The following RSPRY1 variants were observed in gnomAD, a reference collection of about 807,000 sequenced individuals.
The protein encoded by RSPRY1 is ring finger and SPRY domain containing 1, also known as RING finger and SPRY domain-containing protein 1.
A neutral mutation model predicts 73.1 loss-of-function variants in RSPRY1; 23 were observed. The observed-to-expected ratio is 0.31, with a 90% confidence interval of 0.23 to 0.45. The LOEUF (loss-of-function observed/expected upper bound fraction) is 0.45. Ranked by LOEUF, RSPRY1 falls within the 20% of genes least tolerant of loss-of-function variation. The pLI is 1.00. For synonymous variants in RSPRY1, 226 were observed against 251.4 expected (o/e 0.90, Z 0.95); for missense variants, 448 against 698.7 (o/e 0.64, Z 4.05).
intron 1 of RSPRY1, among the ~76,000 whole-genome samples, chr16:57,202,727 G>A (rs577351608): frequency 6.6e-6 from 1 of 152,084 alleles, no homozygotes; most frequent in South Asian, 2.1e-4. Flanking sequence ...GTATCACTTG[G>A]CCCAGCCATT....
intron 11 of RSPRY1, among the ~76,000 whole-genome samples, chr16:57,228,355 T>TG (rs538112075): frequency 1.3e-3 from 196 of 147,302 alleles, no homozygotes; most frequent in African/African-American, 4.6e-3. Context: ...ATTGGTGGTG[T>TG]GGGAAAAAAA....
chr16:57,195,286 C>T (rs2074419430), intron 1 of RSPRY1, among the ~76,000 whole-genome samples: 1 of 151,232 alleles, frequency 6.6e-6, no homozygotes, highest in Non-Finnish European at 1.5e-5. Context: ...CCGAGGTGGG[C>T]AGATCACCTG....
intron 1 of RSPRY1, among the ~76,000 whole-genome samples, chr16:57,197,127 AG>A (rs1372663559): frequency 6.6e-6 from 1 of 152,176 alleles, no homozygotes; most frequent in Non-Finnish European, 1.5e-5. Context: ...GGCCACGTAA[AG>A]CTTTTTTTGA....
intron 1 of RSPRY1, among the ~76,000 whole-genome samples, chr16:57,188,082 C>T (rs1425273054): frequency 5.3e-5 from 8 of 152,140 alleles, no homozygotes; most frequent in African/African-American, 1.9e-4. Flanking sequence ...TGCCTTTTTT[C>T]CTCCACGAAT....
intron 1 of RSPRY1, among the ~76,000 whole-genome samples, chr16:57,195,380 C>T (rs2146178700): frequency 6.6e-6 from 1 of 152,244 alleles, no homozygotes; most frequent in African/African-American, 2.4e-5. Context: ...GGCGTGGTGG[C>T]AGGCACCTGT....
upstream of RSPRY1, chr16:57,186,264 C>G: frequency 1.3e-6 from 1 of 786,662 alleles, no homozygotes; most frequent in Non-Finnish European, 1.5e-6. Flanking sequence ...GAGGGCTTGC[C>G]ACCGAGGAAG....
chr16:57,187,390 A>G (rs1330345902), intron 1 of RSPRY1, among the ~76,000 whole-genome samples: 1 of 152,108 alleles, frequency 6.6e-6, no homozygotes, highest in African/African-American at 2.4e-5. Context: ...TCTCTGAGAG[A>G]GGTTGCTCCC....
rs1483947473 is a variant in RSPRY1, at chr16:57,218,989, G to A, written c.902-1743G>A. Among the ~76,000 whole-genome samples, 5 of 122,904 alleles carry A rather than the reference G, an allele frequency of 4.1e-5. 1 individual carries two copies. Among genetic ancestry groups the A allele is most frequent in the Non-Finnish European group, 8.4e-5 (5 of 59,590 alleles). The allele number at this position is 122,904 out of a possible 152,430, so 80.6% of individuals were successfully genotyped here. A position where few individuals can be genotyped will look rare whatever the true frequency, so the allele number is the denominator to read the frequency against. On this transcript the variant is annotated intron_variant, in intron 8 of 14. Coordinates refer to ENST00000394420, the MANE Select transcript of RSPRY1 (RefSeq NM_133368.3). ...CTGACCTCGTGATCCGCCCGCCTCG[G>A]CCTCCCAAAGTGCTGGGATTACAGG...
chr16:57,229,147 G>GA (rs1205205442), intron 11 of RSPRY1, among the ~76,000 whole-genome samples: 14 of 152,132 alleles, frequency 9.2e-5, no homozygotes, highest in Non-Finnish European at 1.9e-4. Context: ...AAAACCCTTA[G>GA]AAGTGAAACT....
At chr16:57,231,106 C>T (rs1166772185) in intron 12 of RSPRY1, 61 bp from the exon 13 acceptor site, 2 of 1,501,616 alleles carry the variant, frequency 1.3e-6, no homozygotes, top group East Asian at 2.3e-5. Context: ...ACTGTTCTAT[C>T]TATTAACTCT....
At position 57,186,416 on chromosome 16, in the gene RSPRY1, GC is replaced by G; in HGVS notation, c.-186del. The G allele has an allele frequency of 6.4e-6, 1 of 157,312 alleles. No homozygotes were observed. Among genetic ancestry groups the G allele is most frequent in the Non-Finnish European group, 1.4e-5 (1 of 71,366 alleles). 9.7% of individuals were successfully genotyped at this position (157,312 alleles called of 1,614,324 possible). ...ACAAAGGAGTCGCGCCGCCGCCGCCGCCCCCTCCCTCCGGTGGGCCCGGGAG... is the reference window on the plus strand; with the variant it reads ...ACAAAGGAGTCGCGCCGCCGCCGCCGCCCCTCCCTCCGGTGGGCCCGGGAG... On this transcript the variant is annotated 5_prime_UTR_variant, in exon 1 of 15. An upstream open reading frame in the 5' UTR loses its in-frame stop. Transcript: ENST00000394420.
In RSPRY1 at chr16:57,216,069, A is replaced by ATTTT. The variant is rs11391063; in HGVS notation, c.703-23_703-20dup. On this transcript the variant is annotated intron_variant, in intron 6 of 14. Coordinates refer to ENST00000394420, the MANE Select transcript of RSPRY1 (RefSeq NM_133368.3). ...AACTTGCCACCTCTGCAGGGGAATG[A>ATTTT]TTTTTTTTTTTTTTTTTTATCTTTT... The ATTTT allele has an allele frequency of 6.9e-5, 83 of 1,200,182 alleles. 1 individual carries two copies. The highest frequency in any genetic ancestry group is 1.8e-4 in the Admixed American group (8 of 45,266). The allele number at this position is 1,200,182 out of a possible 1,614,324, so 74.3% of individuals were successfully genotyped here. A position where few individuals can be genotyped will look rare whatever the true frequency, so the allele number is the denominator to read the frequency against.
chr16:57,201,603 A>G (rs1175593081), intron 1 of RSPRY1, among the ~76,000 whole-genome samples: 1 of 152,226 alleles, frequency 6.6e-6, no homozygotes, highest in African/African-American at 2.4e-5. Context: ...GGGCCAAGGC[A>G]GGCAGCTGGG....
rs775921703 is a variant in RSPRY1, at chr16:57,216,956, A to T, written c.822A>T (p.Thr274=). Residue 274 remains threonine, a synonymous_variant, in exon 8 of 15, where the codon ACA becomes ACT. Transcript: ENST00000394420. ...CCAGTATTAGTGACCGGCTTGTCAC[A>T]TTGGAGTCCTGGGCTAATGATCCTG... ...SESSISDRLV[T]LESWANDPDY... is the part of the protein sequence containing the mutation. The T allele has an allele frequency of 6.2e-7, 1 of 1,613,812 alleles. No individual in the cohort carries two copies. Among genetic ancestry groups the T allele is most frequent in the South Asian group, 1.1e-5 (1 of 91,084 alleles).
rs2075032063 is a variant in RSPRY1, at chr16:57,221,320, G to A, written c.1066G>A (p.Val356Met). 1 of 1,614,020 alleles carries A rather than the reference G, an allele frequency of 6.2e-7. No individual in the cohort carries two copies. The highest frequency in any genetic ancestry group is 1.3e-5 in the African/African-American group (1 of 74,916). ...TGAAAGTGTGCGTTGCACCTTTTGT[G>A]TGGATGCCGGGGTATGGTACTATGA... is the stretch of plus-strand genomic sequence containing the variant. ...SFESVRCTFCVDAGVWYYEVT... is the reference protein window; with the variant it reads ...SFESVRCTFCMDAGVWYYEVT... The change falls in exon 10 of 15, where the codon GTG (valine) becomes ATG (methionine). Residue 356 changes from valine to methionine, a missense_variant. By Grantham distance (21) the Val-to-Met change is conservative (BLOSUM62 1). Coordinates refer to ENST00000394420, the MANE Select transcript of RSPRY1 (RefSeq NM_133368.3).
intron 1 of RSPRY1, among the ~76,000 whole-genome samples, chr16:57,191,446 C>A (rs138857992): frequency 6.6e-6 from 1 of 152,014 alleles, no homozygotes; most frequent in African/African-American, 2.4e-5. Context: ...ACTTTTTTCG[C>A]CCAGGAAGTC....
intron 11 of RSPRY1, among the ~76,000 whole-genome samples, chr16:57,229,931 T>C (rs1326270955): frequency 6.7e-6 from 1 of 149,684 alleles, no homozygotes; most frequent in Non-Finnish European, 1.5e-5. Flanking sequence ...GGTCTCAAAC[T>C]GACCTCAAGA....
chr16:57,229,613 T>C (rs2075175987), intron 11 of RSPRY1, among the ~76,000 whole-genome samples: 1 of 148,362 alleles, frequency 6.7e-6, no homozygotes, highest in Admixed American at 6.7e-5. Flanking sequence ...AGCAAGACCC[T>C]GTCTTAACAA....
At chr16:57,232,639 C>T (rs1019975497) in intron 13 of RSPRY1, among the ~76,000 whole-genome samples, 2 of 152,162 alleles carry the variant, frequency 1.3e-5, no homozygotes, top group South Asian at 4.1e-4. Context: ...TCTAAGTTCC[C>T]ATGGGGACTG....
Sources: allele counts gnomAD v4.1 joint callset (sites outside exome capture counted in the v4.1 genomes callset), GRCh38; gene constraint gnomAD v4.1.1; transcripts MANE v1.5; gene names NCBI Gene and HGNC (gene_info 2026-07-23, HGNC 2026-07-21).